The following USP48 variants were observed in gnomAD, a reference collection of about 807,000 sequenced individuals.
USP48 encodes ubiquitin specific peptidase 48.
Under a neutral mutation model 150.7 loss-of-function variants are expected in USP48, and 43 were observed. That is an observed-to-expected ratio of 0.29 (90% CI 0.22 to 0.37). USP48 has a LOEUF of 0.37. Ranked by LOEUF, USP48 falls within the 10% of genes least tolerant of loss-of-function variation. The pLI, the probability that USP48 is intolerant of heterozygous loss-of-function variation, is 1.00. For missense variants in USP48, 813 were observed against 1,249.6 expected (o/e 0.65, Z 5.27); for synonymous variants, 396 against 425.9 (o/e 0.93, Z 0.86).
rs567433373 is a variant in USP48, at chr1:21,705,320, C to G, written c.2384+407G>C. ...TCTAAGACCCTAGAATTCCAGATGA[C>G]CAGTGCAGTGGCTTTGCTCTGCCAC... On this transcript the variant is annotated intron_variant, in intron 19 of 26. Coordinates refer to ENST00000308271, the MANE Select transcript of USP48 (RefSeq NM_032236.8). 5.3e-5 allele frequency among the ~76,000 whole-genome samples: 8 copies of G among 152,300 alleles called. No homozygotes were observed. In the South Asian group the frequency reaches 1.7e-3, roughly 32 times the overall value.
chr1:21,752,949 G>T lies in USP48; in HGVS notation c.540+43C>A, dbSNP rs148069364. On this transcript the variant is annotated intron_variant, in intron 4 of 26. Transcript: ENST00000308271. Reference sequence around the variant, plus strand: ...TTATAAACATGCTTAGGATGTTTGGGTACCTCTGAATATTTAAAAAAAAAA... The same window carrying T: ...TTATAAACATGCTTAGGATGTTTGGTTACCTCTGAATATTTAAAAAAAAAA... 5.2e-6 allele frequency: 8 copies of T among 1,537,806 alleles called. No homozygotes were observed. In the East Asian group the frequency reaches 1.4e-4, roughly 27 times the overall value.
rs1437988370 is a variant in USP48, at chr1:21,721,796, TTTCA to T, written c.1649-36_1649-33del. ...GCAAGAAAGAATGAAAGGAAATATA[TTTCA>T]TTCAAACAGACTTCCTGTTAGGAAA... On this transcript the variant is annotated intron_variant, in intron 12 of 26. Coordinates refer to ENST00000308271, the MANE Select transcript of USP48 (RefSeq NM_032236.8). The T allele has an allele frequency of 2.8e-6, 4 of 1,446,130 alleles. No homozygotes were observed. In the African/African-American group the frequency reaches 5.7e-5, roughly 21 times the overall value. The allele number at this position is 1,446,130 out of a possible 1,614,324, so 89.6% of individuals were successfully genotyped here.
chr1:21,728,926 C>T (rs1054831038), intron 10 of USP48, among the ~76,000 whole-genome samples: 1 of 152,182 alleles, frequency 6.6e-6, no homozygotes, highest in Non-Finnish European at 1.5e-5. Context: ...ATTCCCCCCA[C>T]CTAGCTCTCC....
intron 11 of USP48, 21 bp downstream of exon 11, chr1:21,728,549 G>A (rs2097746351): frequency 6.2e-7 from 1 of 1,610,354 alleles, no homozygotes; most frequent in Non-Finnish European, 8.5e-7. Context: ...CAACAGTGCT[G>A]TCCCAGAATA....
chr1:21,712,628 CTTTTTT>C (rs11333202), intron 15 of USP48, among the ~76,000 whole-genome samples: 5 of 134,522 alleles, frequency 3.7e-5, no homozygotes, highest in Admixed American at 7.4e-5. Context: ...GAAAACTATC[CTTTTTT>C]TTTTTTTTTT....
At chr1:21,701,630 G>A in intron 21 of USP48, 28 bp from the exon 22 acceptor site, 1 of 1,605,284 alleles carries the variant, frequency 6.2e-7, no homozygotes, top group Non-Finnish European at 8.5e-7. Flanking sequence ...ACAAAGAGAA[G>A]TAGGTCAGAC....
intron 1 of USP48, among the ~76,000 whole-genome samples, chr1:21,762,584 C>T (rs926046067): frequency 3.3e-5 from 5 of 152,064 alleles, no homozygotes; most frequent in Non-Finnish European, 7.4e-5. Flanking sequence ...ATTTTTCACA[C>T]GGGCCGGGCG....
intron 9 of USP48, among the ~76,000 whole-genome samples, chr1:21,735,410 G>C (rs553971842): frequency 6.6e-6 from 1 of 152,114 alleles, no homozygotes; most frequent in African/African-American, 2.4e-5. Context: ...AACTAGCCTG[G>C]GCAACCAGGT....
chr1:21,702,601 T>C (rs568676429), intron 21 of USP48, among the ~76,000 whole-genome samples: 35 of 151,948 alleles, frequency 2.3e-4, no homozygotes, highest in African/African-American at 7.2e-4. Context: ...GATCATATCA[T>C]GACCTTGCTT....
intron 23 of USP48, among the ~76,000 whole-genome samples, chr1:21,691,254 T>C (rs1571709741): frequency 7.1e-6 from 1 of 141,220 alleles, no homozygotes; most frequent in East Asian, 2.1e-4. Flanking sequence ...ATGGAGGTTG[T>C]GGTGAGCTGA....
chr1:21,697,479 T>C (rs538865755), intron 22 of USP48, among the ~76,000 whole-genome samples: 200 of 152,036 alleles, frequency 1.3e-3, no homozygotes, highest in South Asian at 5.0e-3. Flanking sequence ...CTGGCTAACA[T>C]GGTGAAACCC....
intron 1 of USP48, among the ~76,000 whole-genome samples, chr1:21,759,243 C>T (rs1463702736): frequency 8.0e-6 from 1 of 124,662 alleles, no homozygotes; most frequent in Non-Finnish European, 1.7e-5. Context: ...AAATTCAAAA[C>T]AGAGAAAACA....
chr1:21,773,297 T>C (rs1365045420), intron 1 of USP48, among the ~76,000 whole-genome samples: 1 of 150,342 alleles, frequency 6.7e-6, no homozygotes, highest in Middle Eastern at 3.2e-3. Flanking sequence ...CAATAAGCTC[T>C]TGAAAATCAG....
chr1:21,723,878 G>C lies in USP48; in HGVS notation c.1648+20C>G. 1 of 1,600,930 alleles carries C rather than the reference G, an allele frequency of 6.2e-7. No homozygotes were observed. The highest frequency in any genetic ancestry group is 8.5e-7 in the Non-Finnish European group (1 of 1,169,972). The stretch of plus-strand genomic sequence containing the variant: ...TTAATGAGCTGCTCTTTTTTAAACA[G>C]AGAGGACATCTTGAATTACCAGTTA... On this transcript the variant is annotated intron_variant, in intron 12 of 26. Transcript: ENST00000308271.
chr1:21,704,270 G>C lies in USP48; in HGVS notation c.2507C>G (p.Ser836Cys), dbSNP rs758995137. The change falls in exon 20 of 27, where the codon TCT (serine) becomes TGT (cysteine). Residue 836 changes from serine (S) to cysteine (C), a missense_variant. Ser to Cys is a moderately radical substitution (Grantham distance 112). Coordinates refer to ENST00000308271, the MANE Select transcript of USP48 (RefSeq NM_032236.8). Reference sequence around the variant, plus strand: ...GCAATATGAAAACTTACTGGGCTCAGAAATATACTGTGTTTCTGAAGGGTT... The same window carrying C: ...GCAATATGAAAACTTACTGGGCTCACAAATATACTGTGTTTCTGAAGGGTT... ...DVNPSETQYI[S>C]EPKLCPECRE... 3 of 1,611,586 alleles carry C rather than the reference G, an allele frequency of 1.9e-6. No homozygotes were observed. Among genetic ancestry groups the C allele is most frequent in the Non-Finnish European group, 1.7e-6 (2 of 1,179,244 alleles).
intron 1 of USP48, among the ~76,000 whole-genome samples, chr1:21,763,582 G>A (rs1255941694): frequency 1.3e-5 from 2 of 152,220 alleles, no homozygotes; most frequent in Non-Finnish European, 2.9e-5. Flanking sequence ...GAGAGGCCAA[G>A]GCGGGCAGAT....
chr1:21,686,994 G>A (rs1373594468), intron 25 of USP48, 197 bp downstream of exon 25: 1 of 595,550 alleles, frequency 1.7e-6, no homozygotes, highest in Non-Finnish European at 2.9e-6. Context: ...GTTTCCTCAG[G>A]TTAGCTTTCC....
chr1:21,713,448 T>A (rs74390124), intron 15 of USP48, among the ~76,000 whole-genome samples: 3,143 of 152,082 alleles, frequency 0.021, 42 homozygotes, highest in Middle Eastern at 0.048. Flanking sequence ...GAGTGGAGTA[T>A]GTGTCCTGAA....
In USP48 at chr1:21,724,112, C is replaced by T. The variant is rs771278945; in HGVS notation, c.1451-17G>A. 18 of 1,612,184 alleles carry T rather than the reference C, an allele frequency of 1.1e-5. No homozygotes were observed. The Middle Eastern group carries it at 6.6e-4, about 59-fold the overall frequency. On this transcript the variant is annotated splice_polypyrimidine_tract_variant and intron_variant, in intron 11 of 26. Transcript: ENST00000308271. The stretch of plus-strand genomic sequence containing the variant: ...CATAGGGCTCTGAGAAAGCAAGCAT[C>T]GGAAAGAGCCTATGTATTTTTACAG...
Sources: allele counts gnomAD v4.1 joint callset (sites outside exome capture counted in the v4.1 genomes callset), GRCh38; gene constraint gnomAD v4.1.1; transcripts MANE v1.5; gene names NCBI Gene and HGNC (gene_info 2026-07-23, HGNC 2026-07-21).